Variants in LAMA2 observed in about 807,000 individuals in gnomAD.
LAMA2 encodes the protein laminin subunit alpha-2.
LAMA2 carries 269 observed loss-of-function variants against 364.8 expected under a neutral mutation model. That is an observed-to-expected ratio of 0.74 (90% CI 0.67 to 0.82). LAMA2 has a LOEUF of 0.82. Among genes scored for constraint, LAMA2 ranks in the 40% least tolerant of loss-of-function variants. The pLI, the probability that LAMA2 is intolerant of heterozygous loss-of-function variation, is 0.00. For synonymous variants in LAMA2, 1,379 were observed against 1,370.6 expected, an observed-to-expected ratio of 1.01 and a Z score of -0.14; for missense variants, 3,807 against 3,873.2, an observed-to-expected ratio of 0.98 and a Z score of 0.45.
intron 12 of LAMA2, among the ~76,000 whole-genome samples, chr6:129,193,112 C>T (rs762142312): frequency 2.0e-5 from 3 of 152,092 alleles, no homozygotes; most frequent in Admixed American, 6.5e-5. Context: ...TTAATGAAGC[C>T]GCTAGTGTAT....
chr6:129,455,259 TA>T (rs979123575), intron 47 of LAMA2, among the ~76,000 whole-genome samples: 9 of 151,048 alleles, frequency 6.0e-5, no homozygotes, highest in East Asian at 3.9e-4. Flanking sequence ...AAAAAAGTTA[TA>T]AAAAAAAATG....
chr6:129,317,838 TA>T (rs1255697471), intron 27 of LAMA2, among the ~76,000 whole-genome samples: 1 of 152,074 alleles, frequency 6.6e-6, no homozygotes, highest in African/African-American at 2.4e-5. Flanking sequence ...CATTCATCTT[TA>T]ATTATACTTT....
chr6:129,273,462 A>AT (rs1256983935), intron 17 of LAMA2, among the ~76,000 whole-genome samples: 5 of 152,194 alleles, frequency 3.3e-5, no homozygotes, highest in African/African-American at 1.2e-4. Flanking sequence ...AGCTGAATAC[A>AT]TATTAGAATT....
intron 1 of LAMA2, among the ~76,000 whole-genome samples, chr6:129,033,749 A>G (rs1463099345): frequency 6.6e-6 from 1 of 152,160 alleles, no homozygotes; most frequent in East Asian, 1.9e-4. Context: ...AAGAGAGCAG[A>G]TACTGAACAT....
At chr6:129,201,809 C>A (rs1443565511) in intron 12 of LAMA2, among the ~76,000 whole-genome samples, 1 of 151,998 alleles carries the variant, frequency 6.6e-6, no homozygotes, top group East Asian at 1.9e-4. Context: ...AAACAGAACC[C>A]CAAATGGCAA....
rs147185142 is a variant in LAMA2 at position 129,465,239 on chromosome 6, A to G, written c.7250A>G (p.His2417Arg). The G allele has an allele frequency of 1.4e-4, 222 of 1,611,800 alleles. No homozygotes were observed. In the African/African-American group the frequency reaches 1.8e-3, roughly 13 times the overall value. ...GMASVVSNQN[H>R]NDGKWKSFTL... ...GCTTCCGTTGTCAGCAATCAAAACC[A>G]TAATGATGGGAAATGGAAATCATTC... Residue 2417 changes from histidine to arginine, a missense_variant, in exon 51 of 65, where the codon CAT (histidine) becomes CGT (arginine). His to Arg is a conservative substitution (Grantham distance 29). Coordinates refer to ENST00000421865, the MANE Select transcript of LAMA2 (RefSeq NM_000426.4).
At chr6:129,405,436 T>C (rs1369173606) in intron 40 of LAMA2, among the ~76,000 whole-genome samples, 1 of 152,162 alleles carries the variant, frequency 6.6e-6, no homozygotes, top group Non-Finnish European at 1.5e-5. Context: ...GTGCACTTAC[T>C]TCTTACCACC....
At chr6:128,974,303 C>T (rs1461392095) in intron 1 of LAMA2, among the ~76,000 whole-genome samples, 1 of 152,082 alleles carries the variant, frequency 6.6e-6, no homozygotes, top group Non-Finnish European at 1.5e-5. Context: ...CTATTAATTG[C>T]TAAAATCCAA....
chr6:129,396,257 C>A (rs1316021299), intron 37 of LAMA2, among the ~76,000 whole-genome samples: 1 of 152,100 alleles, frequency 6.6e-6, no homozygotes, highest in East Asian at 1.9e-4. Flanking sequence ...TGATTCCTGG[C>A]CTCAAAGAAT....
In LAMA2 at chr6:129,252,257, A is replaced by G. The variant is rs1044635780; in HGVS notation, c.2058A>G (p.Leu686=). 14 of 1,613,808 alleles carry G rather than the reference A, an allele frequency of 8.7e-6. No homozygotes were observed. In the Admixed American group the frequency reaches 2.0e-4, roughly 23 times the overall value. Residue 686 remains leucine, a synonymous_variant, in exon 14 of 65, where the codon CTA becomes CTG. Transcript: ENST00000421865. ...TVLANLKRVL[L]QITYSFGMDA... is the part of the protein sequence containing the mutation. ...TTGCGAATTTGAAGAGAGTCCTCCT[A>G]CAAATCACATACAGCTTTGGGATGG...
At chr6:129,226,748 T>G (rs1013467138) in intron 12 of LAMA2, among the ~76,000 whole-genome samples, 1 of 152,142 alleles carries the variant, frequency 6.6e-6, no homozygotes, top group Non-Finnish European at 1.5e-5. Context: ...GACCTTTCTC[T>G]CTGGCTGCCC....
intron 3 of LAMA2, among the ~76,000 whole-genome samples, chr6:129,092,334 T>C (rs1181621037): frequency 6.6e-6 from 1 of 152,250 alleles, no homozygotes; most frequent in African/African-American, 2.4e-5. Context: ...CCTGCAGTTC[T>C]ATAAAGATTC....
chr6:129,498,667 G>A (rs1196159639), intron 58 of LAMA2, among the ~76,000 whole-genome samples: 1 of 152,122 alleles, frequency 6.6e-6, no homozygotes, highest in African/African-American at 2.4e-5. Context: ...ACATTTATTA[G>A]AGAAATTAAT....
chr6:129,226,743 T>C (rs1273476860), intron 12 of LAMA2, among the ~76,000 whole-genome samples: 1 of 152,116 alleles, frequency 6.6e-6, no homozygotes, highest in Admixed American at 6.6e-5. Flanking sequence ...AACCCGACCT[T>C]TCTCTCTGGC....
At chr6:129,419,401 T>TG (rs1562546803) in intron 40 of LAMA2, among the ~76,000 whole-genome samples, 2 of 152,144 alleles carry the variant, frequency 1.3e-5, no homozygotes, top group African/African-American at 4.8e-5. Context: ...TTCGAAGCCC[T>TG]CTAAGAATGG....
chr6:129,097,306 C>T (rs2114871268), intron 3 of LAMA2, among the ~76,000 whole-genome samples: 1 of 152,260 alleles, frequency 6.6e-6, no homozygotes, highest in East Asian at 1.9e-4. Context: ...AATGTCATTC[C>T]ATAATGTTTC....
chr6:129,252,052 C>A lies in LAMA2; in HGVS notation c.1885-32C>A, dbSNP rs79598019. 3,533 of 1,485,370 alleles carry A rather than the reference C, an allele frequency of 2.4e-3. 6 individuals carry two copies. Among genetic ancestry groups the A allele is most frequent in the Non-Finnish European group, 3.0e-3 (3,204 of 1,066,602 alleles). The allele number at this position is 1,485,370 out of a possible 1,614,324, so 92.0% of individuals were successfully genotyped here. A position where few individuals can be genotyped will look rare whatever the true frequency, so the allele number is the denominator to read the frequency against. On this transcript the variant is annotated intron_variant, in intron 13 of 64. Transcript: ENST00000421865. ...CTTTTGTACCCTCTTTTCAGTTTTA[C>A]TCTTTTTTATTTCTTTTTTTTCCCC...
chr6:129,480,452 A>C (rs1372505519), intron 54 of LAMA2, among the ~76,000 whole-genome samples: 1 of 152,144 alleles, frequency 6.6e-6, no homozygotes, highest in Non-Finnish European at 1.5e-5. Context: ...GATATCTTCC[A>C]CATATGTAAG....
intron 12 of LAMA2, among the ~76,000 whole-genome samples, chr6:129,198,993 G>A (rs574646625): frequency 1.3e-5 from 2 of 152,166 alleles, no homozygotes; most frequent in Admixed American, 6.5e-5. Flanking sequence ...CAACTGGGAC[G>A]TACTCCTCAC....
Sources: allele counts gnomAD v4.1 joint callset (sites outside exome capture counted in the v4.1 genomes callset), GRCh38; gene constraint gnomAD v4.1.1; transcripts MANE v1.5; gene names NCBI Gene and HGNC (gene_info 2026-07-23, HGNC 2026-07-21).